SBF2: variants seen among roughly 807,000 people sequenced by gnomAD.
SBF2 encodes the protein SET binding factor 2.
SBF2 carries 112 observed loss-of-function variants against 225.2 expected under a neutral mutation model. That is an observed-to-expected ratio of 0.50 (90% CI 0.43 to 0.58). The LOEUF is 0.58. Ranked by LOEUF, SBF2 falls within the 20% of genes least tolerant of loss-of-function variation. The pLI, the probability that SBF2 is intolerant of heterozygous loss-of-function variation, is 0.00. For missense variants in SBF2, 1,996 were observed against 2,206.2 expected (o/e 0.90, Z 1.91); for synonymous variants, 763 against 773.3 (o/e 0.99, Z 0.22).
Position 9,920,021 on chromosome 11 carries a change from C to T in SBF2, c.1861-24010G>A, listed in dbSNP as rs756428920. Among the ~76,000 whole-genome samples, 171 of 152,116 alleles carry T rather than the reference C, an allele frequency of 1.1e-3. 1 individual carries two copies. The highest frequency in any genetic ancestry group is 4.4e-4 in the Non-Finnish European group (30 of 68,010). On this transcript the variant is annotated intron_variant, in intron 16 of 39. Transcript: ENST00000256190. Reference sequence around the variant, plus strand: ...TGCTGGGATTACAGGTGTGAGCCACCATGCCCGGCCTCTTCTTTTTTAAAA... The same window carrying T: ...TGCTGGGATTACAGGTGTGAGCCACTATGCCCGGCCTCTTCTTTTTTAAAA...
At chr11:10,108,480 C>T (rs1590972537) in intron 2 of SBF2, among the ~76,000 whole-genome samples, 1 of 142,802 alleles carries the variant, frequency 7.0e-6, no homozygotes, top group Non-Finnish European at 1.5e-5. Flanking sequence ...CACAGAACCT[C>T]AAAGAAGGCT....
chr11:9,790,069 G>C (rs183110), intron 34 of SBF2, among the ~76,000 whole-genome samples: 105,718 of 152,110 alleles, frequency 0.7, 36,994 homozygotes, highest in African/African-American at 0.76. Flanking sequence ...CCAGTCTGTT[G>C]CATTCCAGGG....
intron 16 of SBF2, chr11:9,915,617 A>T (rs1416123907): frequency 1.3e-5 from 2 of 152,162 alleles, no homozygotes; most frequent in Non-Finnish European, 2.9e-5. Context: ...AAAAAAATTA[A>T]AGACCAGACT....
intron 2 of SBF2, among the ~76,000 whole-genome samples, chr11:10,070,471 G>C (rs1382127580): frequency 6.6e-6 from 1 of 152,004 alleles, no homozygotes; most frequent in Non-Finnish European, 1.5e-5. Flanking sequence ...ATGGTTGTAG[G>C]TGTGTGGTGT....
intron 31 of SBF2, 28 bp downstream of exon 31, chr11:9,808,873 A>G (rs773744603): frequency 2.0e-6 from 3 of 1,473,974 alleles, no homozygotes; most frequent in Non-Finnish European, 2.8e-6. Context: ...TAAATATAAA[A>G]TATCAAAAAA....
chr11:10,191,712 C>T (rs1341049433), intron 2 of SBF2, among the ~76,000 whole-genome samples: 2 of 152,156 alleles, frequency 1.3e-5, no homozygotes, highest in African/African-American at 2.4e-5. Flanking sequence ...CATGACTCCA[C>T]TTATTGGAGA....
intron 2 of SBF2, among the ~76,000 whole-genome samples, chr11:10,058,147 A>G (rs910139640): frequency 1.3e-5 from 2 of 152,236 alleles, no homozygotes; most frequent in Non-Finnish European, 2.9e-5. Flanking sequence ...TTCTCCAACA[A>G]GAGTTCTTAA....
Position 9,993,034 on chromosome 11 carries a change from G to T in SBF2, c.1123C>A (p.Gln375Lys). ...GGCTCTGCATGAATTCTTATAAGTT[G>T]CAGGCAGGATCTATATCCTTGGAAG... ...QLFQGYRSCL[Q>K]LIRIHAEPVI... Residue 375 changes from glutamine (Q) to lysine (K), a missense_variant, in exon 11 of 40, where the codon CAA (glutamine) becomes AAA (lysine). Physicochemically the swap from Gln to Lys is moderately conservative, Grantham distance 53. Transcript: ENST00000256190. 1 of 1,612,616 alleles carries T rather than the reference G, an allele frequency of 6.2e-7. No homozygotes were observed. The highest frequency in any genetic ancestry group is 8.5e-7 in the Non-Finnish European group (1 of 1,179,576).
At chr11:9,943,009 A>G (rs1300305114) in intron 16 of SBF2, among the ~76,000 whole-genome samples, 1 of 136,352 alleles carries the variant, frequency 7.3e-6, no homozygotes, top group Non-Finnish European at 1.7e-5. Flanking sequence ...GAAAGAAAGA[A>G]AGAGAAAGAA....
chr11:9,960,376 A>C (rs953723253), intron 16 of SBF2: 1 of 152,142 alleles, frequency 6.6e-6, no homozygotes, highest in African/African-American at 2.4e-5. Context: ...GAAAACTTTT[A>C]AGCTTTATAG....
At chr11:9,961,909 A>G in intron 16 of SBF2, 48 bp downstream of exon 16, 6 of 1,575,336 alleles carry the variant, frequency 3.8e-6, no homozygotes, top group South Asian at 2.2e-5. Flanking sequence ...TGGAAAAATG[A>G]AAAGTATTCT....
intron 27 of SBF2, among the ~76,000 whole-genome samples, chr11:9,830,801 A>C (rs186608822): frequency 6.6e-6 from 1 of 152,008 alleles, no homozygotes; most frequent in Non-Finnish European, 1.5e-5. Context: ...AAAAAACCCT[A>C]AAGATATTAG....
At chr11:10,065,948 AAAC>A (rs1950609729) in intron 2 of SBF2, among the ~76,000 whole-genome samples, 1 of 152,122 alleles carries the variant, frequency 6.6e-6, no homozygotes, top group Non-Finnish European at 1.5e-5. Flanking sequence ...ACTCCTTCTC[AAAC>A]AACAAACAAA....
chr11:9,927,008 A>G (rs1196089633), intron 16 of SBF2, among the ~76,000 whole-genome samples: 2 of 152,180 alleles, frequency 1.3e-5, no homozygotes, highest in Non-Finnish European at 2.9e-5. Context: ...TTGACTGAAC[A>G]GGATAAAAAG....
At chr11:10,267,414 G>A (rs1214464288) in intron 1 of SBF2, among the ~76,000 whole-genome samples, 1 of 152,014 alleles carries the variant, frequency 6.6e-6, no homozygotes, top group Non-Finnish European at 1.5e-5. Flanking sequence ...CTAAACTATG[G>A]CAGTGACTGT....
At chr11:9,982,495 A>G (rs1214801299) in intron 13 of SBF2, among the ~76,000 whole-genome samples, 1 of 152,238 alleles carries the variant, frequency 6.6e-6, no homozygotes, top group Non-Finnish European at 1.5e-5. Flanking sequence ...CTATCACAGG[A>G]AGCTTTCTAG....
intron 2 of SBF2, among the ~76,000 whole-genome samples, chr11:10,144,044 T>G (rs1263243453): frequency 2.0e-5 from 3 of 152,170 alleles, no homozygotes; most frequent in African/African-American, 4.8e-5. Context: ...GACAAATGCA[T>G]AGAGATATGT....
intron 16 of SBF2, among the ~76,000 whole-genome samples, chr11:9,932,011 A>G (rs191910564): frequency 3.3e-5 from 5 of 152,252 alleles, no homozygotes; most frequent in Admixed American, 2.0e-4. Context: ...CAATTCGATC[A>G]ACTGGAAGAA....
intron 2 of SBF2, among the ~76,000 whole-genome samples, chr11:10,162,589 T>A (rs1284340871): frequency 1.3e-5 from 2 of 152,206 alleles, no homozygotes; most frequent in Non-Finnish European, 2.9e-5. Flanking sequence ...TGCACTCTTT[T>A]AAAAATTTTT....
Sources: allele counts gnomAD v4.1 joint callset (sites outside exome capture counted in the v4.1 genomes callset), GRCh38; gene constraint gnomAD v4.1.1; transcripts MANE v1.5; gene names NCBI Gene and HGNC (gene_info 2026-07-23, HGNC 2026-07-21).